The following DHRSX variants were observed in gnomAD, a reference collection of about 807,000 sequenced individuals.
The protein encoded by DHRSX is polyprenol dehydrogenase.
DHRSX carries 31 observed loss-of-function variants against 34.0 expected under a neutral mutation model. That is an observed-to-expected ratio of 0.91 (90% CI 0.69 to 1.23). The LOEUF (loss-of-function observed/expected upper bound fraction) is 1.23, where lower values mean the gene tolerates loss of function less well. DHRSX is among the 50% of genes most tolerant of loss of function. The pLI is 0.00. For synonymous variants in DHRSX, 201 were observed against 183.8 expected (o/e 1.09, Z -0.76); for missense variants, 414 against 428.1 (o/e 0.97, Z 0.29).
chrX:2,274,922 A>C (rs2041604898), intron 4 of DHRSX, among the ~76,000 whole-genome samples: 1 of 152,028 alleles, frequency 6.6e-6, no homozygotes, highest in African/African-American at 2.4e-5. Context: ...GAAAGACCAG[A>C]TTGGTGCCAG....
intron 4 of DHRSX, among the ~76,000 whole-genome samples, chrX:2,272,988 G>A (rs1204474328): frequency 6.6e-6 from 1 of 152,178 alleles, no homozygotes; most frequent in African/African-American, 2.4e-5. Flanking sequence ...AAAGACACCT[G>A]CAGGCCAGGC....
At chrX:2,378,372 C>T (rs1341862123) in intron 3 of DHRSX, among the ~76,000 whole-genome samples, 3 of 152,142 alleles carry the variant, frequency 2.0e-5, no homozygotes, top group Admixed American at 6.5e-5. Context: ...TTGAACACCA[C>T]GGGCTTGAAT....
At chrX:2,357,580 T>C (rs141016535) in intron 3 of DHRSX, among the ~76,000 whole-genome samples, 5,762 of 151,466 alleles carry the variant, frequency 0.038, 372 homozygotes, top group African/African-American at 0.13. Flanking sequence ...CAATGTGAGA[T>C]TTCAGTAAGG....
At chrX:2,261,488 G>T (rs1206561908) in intron 5 of DHRSX, 1 of 151,790 alleles carries the variant, frequency 6.6e-6, no homozygotes, top group African/African-American at 2.4e-5. Context: ...AACAGAGATC[G>T]TGGCTGGGCA....
chrX:2,311,119 G>C (rs2042160276), intron 3 of DHRSX, among the ~76,000 whole-genome samples: 1 of 151,286 alleles, frequency 6.6e-6, no homozygotes, highest in Non-Finnish European at 1.5e-5. Context: ...GAGACAGAGA[G>C]AATAAGCGAG....
chrX:2,299,490 G>A (rs1055943069), intron 3 of DHRSX, among the ~76,000 whole-genome samples: 3 of 152,132 alleles, frequency 2.0e-5, no homozygotes, highest in African/African-American at 7.2e-5. Flanking sequence ...TCTTGAGGCT[G>A]CCAATAACTC....
intron 6 of DHRSX, among the ~76,000 whole-genome samples, chrX:2,237,906 G>A (rs1446584109): frequency 5.9e-5 from 9 of 152,066 alleles, no homozygotes; most frequent in East Asian, 1.9e-4. Context: ...TACATTGTAG[G>A]GGGTACTGAG....
chrX:2,288,758 C>G (rs993588308), intron 4 of DHRSX, among the ~76,000 whole-genome samples: 1 of 152,190 alleles, frequency 6.6e-6, no homozygotes, highest in African/African-American at 2.4e-5. Context: ...CCAATATGTG[C>G]ATGAGATTTT....
chrX:2,361,444 G>A (rs1412109567), intron 3 of DHRSX, among the ~76,000 whole-genome samples: 1 of 152,110 alleles, frequency 6.6e-6, no homozygotes, highest in Non-Finnish European at 1.5e-5. Flanking sequence ...ATGCTATAAT[G>A]ATCATCATAA....
intron 4 of DHRSX, among the ~76,000 whole-genome samples, chrX:2,274,135 T>C (rs1198839662): frequency 6.6e-6 from 1 of 151,716 alleles, no homozygotes; most frequent in Non-Finnish European, 1.5e-5. Flanking sequence ...CCTCCTGGGT[T>C]CAAGCGATTC....
intron 6 of DHRSX, among the ~76,000 whole-genome samples, chrX:2,222,211 C>T (rs2015537171): frequency 6.6e-6 from 1 of 152,200 alleles, no homozygotes; most frequent in Admixed American, 6.5e-5. Context: ...GCAACACAAA[C>T]AGACTAAGAC....
chrX:2,290,618 T>C (rs1305524029), intron 4 of DHRSX, among the ~76,000 whole-genome samples: 1 of 152,216 alleles, frequency 6.6e-6, no homozygotes, highest in Non-Finnish European at 1.5e-5. Context: ...ATGGGCTCAC[T>C]GTTTGACGTA....
chrX:2,385,404 C>A (rs1173873511), intron 3 of DHRSX, among the ~76,000 whole-genome samples: 1 of 151,764 alleles, frequency 6.6e-6, no homozygotes, highest in African/African-American at 2.4e-5. Flanking sequence ...ATGTAGCACA[C>A]AGACCGTAAT....
At chrX:2,459,405 A>G (rs1445657829) in intron 1 of DHRSX, among the ~76,000 whole-genome samples, 1 of 151,794 alleles carries the variant, frequency 6.6e-6, no homozygotes, top group Admixed American at 6.6e-5. Flanking sequence ...AATGGTTAAT[A>G]TGTTAATTCA....
chrX:2,400,841 T>C (rs1355456764), intron 3 of DHRSX, among the ~76,000 whole-genome samples: 1 of 152,212 alleles, frequency 6.6e-6, no homozygotes, highest in Non-Finnish European at 1.5e-5. Flanking sequence ...TATTCTGTTT[T>C]CATGATAAAT....
intron 3 of DHRSX, among the ~76,000 whole-genome samples, chrX:2,310,630 A>C (rs1019995698): frequency 6.6e-6 from 1 of 151,906 alleles, no homozygotes; most frequent in Non-Finnish European, 1.5e-5. Context: ...AACAAAACAC[A>C]GAGAAAGTTA....
chrX:2,340,195 G>T (rs1022618040), intron 3 of DHRSX, among the ~76,000 whole-genome samples: 1 of 151,926 alleles, frequency 6.6e-6, no homozygotes, highest in Admixed American at 6.6e-5. Context: ...GTCGAGGGGT[G>T]GGGGGCTAGG....
chrX:2,488,482 A>T, intron 1 of DHRSX: 1 of 1,065,496 alleles, frequency 9.4e-7, no homozygotes. Context: ...ACCCTCTCTC[A>T]CTTCTCAAAT....
intron 3 of DHRSX, among the ~76,000 whole-genome samples, chrX:2,350,135 T>A (rs1352519947): frequency 1.3e-5 from 2 of 152,034 alleles, no homozygotes; most frequent in Non-Finnish European, 2.9e-5. Flanking sequence ...CACTTGCAGT[T>A]AGTTAGGAGT....
Sources: gnomAD v4.1 joint callset for allele counts (sites outside exome capture counted in the v4.1 genomes callset) on GRCh38, gnomAD v4.1.1 for gene constraint, MANE v1.5 for transcripts, NCBI Gene and HGNC (gene_info 2026-07-23, HGNC 2026-07-21) for gene names.